The following IL1RAPL1 variants were observed in gnomAD, a reference collection of about 807,000 sequenced individuals.
IL1RAPL1 encodes the protein interleukin-1 receptor accessory protein-like 1.
IL1RAPL1 carries 3 observed loss-of-function variants against 48.4 expected under a neutral mutation model. The ratio of observed to expected loss-of-function variants is 0.06; its 90% confidence interval spans 0.03 to 0.16. The LOEUF (loss-of-function observed/expected upper bound fraction) is 0.16. IL1RAPL1 is among the 10% of genes least tolerant of loss of function. The probability of loss-of-function intolerance (pLI) is 1.00; values close to 1 mark genes in which losing one functional copy is unlikely to be tolerated. For synonymous variants in IL1RAPL1, 185 were observed against 187.7 expected, an observed-to-expected ratio of 0.99 and a Z score of 0.12; for missense variants, 349 against 530.6, an observed-to-expected ratio of 0.66 and a Z score of 3.36.
intron 5 of IL1RAPL1, among the ~76,000 whole-genome samples, chrX:29,588,849 G>C (rs768381364): frequency 2.2e-4 from 25 of 111,813 alleles, no homozygotes; most frequent in Non-Finnish European, 3.2e-4. Flanking sequence ...TAATTCAATA[G>C]AACACTTCTA....
intron 6 of IL1RAPL1, among the ~76,000 whole-genome samples, chrX:29,746,628 G>A (rs977406199): frequency 3.6e-5 from 4 of 110,017 alleles, no homozygotes; most frequent in African/African-American, 9.9e-5. Flanking sequence ...TTTTCTTCGC[G>A]ACAAATTCTT....
chrX:29,742,581 A>G (rs1330393035), intron 6 of IL1RAPL1, among the ~76,000 whole-genome samples: 1 of 111,358 alleles, frequency 9.0e-6, no homozygotes, highest in East Asian at 2.8e-4. Flanking sequence ...AAACAAATAA[A>G]CAAAAAAACC....
chrX:29,152,566 G>A (rs753542796), intron 2 of IL1RAPL1, among the ~76,000 whole-genome samples: 1 of 111,995 alleles, frequency 8.9e-6, no homozygotes, highest in East Asian at 2.8e-4. Flanking sequence ...CACTAGCACA[G>A]TGTTCTAAAT....
intron 3 of IL1RAPL1, among the ~76,000 whole-genome samples, chrX:29,367,011 G>A (rs1933471122): frequency 9.0e-6 from 1 of 110,776 alleles, no homozygotes; most frequent in Admixed American, 9.6e-5. Context: ...TTTTTTAGGG[G>A]GAAAAGAGCT....
intron 5 of IL1RAPL1, among the ~76,000 whole-genome samples, chrX:29,510,601 TC>T (rs1935383602): frequency 8.9e-6 from 1 of 111,935 alleles, no homozygotes; most frequent in Non-Finnish European, 1.9e-5. Context: ...GACAATATCC[TC>T]CCTTGAAAAT....
intron 5 of IL1RAPL1, among the ~76,000 whole-genome samples, chrX:29,567,219 A>C (rs749904068): frequency 5.0e-4 from 53 of 105,257 alleles, no homozygotes; most frequent in African/African-American, 1.8e-3. Flanking sequence ...ACTACCTACA[A>C]AAAAAAAAAG....
intron 5 of IL1RAPL1, among the ~76,000 whole-genome samples, chrX:29,618,605 A>C (rs1924365221): frequency 8.9e-6 from 1 of 111,817 alleles, no homozygotes; most frequent in Non-Finnish European, 1.9e-5. Context: ...AGTCGTCCCA[A>C]TGACTTTTGT....
intron 5 of IL1RAPL1, among the ~76,000 whole-genome samples, chrX:29,472,855 A>G (rs193103982): frequency 2.7e-5 from 3 of 111,979 alleles, no homozygotes. Flanking sequence ...AATGTTCACC[A>G]TTTTCCCTCT....
chrX:29,208,827 G>A (rs910458034), intron 2 of IL1RAPL1, among the ~76,000 whole-genome samples: 2 of 110,256 alleles, frequency 1.8e-5, no homozygotes, highest in East Asian at 5.6e-4. Context: ...CCAAGCAAGG[G>A]GTGGGAGGTC....
At chrX:28,933,249 G>A (rs1312610675) in intron 2 of IL1RAPL1, among the ~76,000 whole-genome samples, 1 of 110,965 alleles carries the variant, frequency 9.0e-6, no homozygotes, top group East Asian at 2.8e-4. Context: ...CCCTCAATCC[G>A]TGGGTAGACC....
At chrX:29,830,705 G>A (rs1004369005) in intron 6 of IL1RAPL1, among the ~76,000 whole-genome samples, 5 of 110,572 alleles carry the variant, frequency 4.5e-5, no homozygotes, top group Admixed American at 3.9e-4. Flanking sequence ...CACCCATCTC[G>A]GCCTCCCAAA....
At chrX:29,028,520 T>G (rs1926543393) in intron 2 of IL1RAPL1, among the ~76,000 whole-genome samples, 1 of 110,280 alleles carries the variant, frequency 9.1e-6, no homozygotes, top group Admixed American at 9.7e-5. Context: ...TCTCTTGACC[T>G]CGTGATCCAC....
intron 1 of IL1RAPL1, among the ~76,000 whole-genome samples, chrX:28,628,795 C>T (rs1343353128): frequency 2.7e-5 from 3 of 112,154 alleles, no homozygotes; most frequent in Admixed American, 1.9e-4. Context: ...ATACACACAT[C>T]GTTTCTCTGA....
chrX:29,865,797 T>A (rs1931681880), intron 6 of IL1RAPL1, among the ~76,000 whole-genome samples: 1 of 100,021 alleles, frequency 1.0e-5, no homozygotes, highest in African/African-American at 3.9e-5. Context: ...CCACCACGCC[T>A]GGCTAATTTT....
At chrX:29,521,849 T>C (rs1935506604) in intron 5 of IL1RAPL1, among the ~76,000 whole-genome samples, 1 of 111,872 alleles carries the variant, frequency 8.9e-6, no homozygotes, top group South Asian at 3.7e-4. Flanking sequence ...GAGGGGGAAA[T>C]AGGCTTTTTT....
intron 1 of IL1RAPL1, among the ~76,000 whole-genome samples, chrX:28,665,552 G>A (rs1414153345): frequency 1.8e-5 from 2 of 110,467 alleles, no homozygotes; most frequent in South Asian, 7.8e-4. Context: ...GTGCAGTGGT[G>A]TGATCTTGGC....
intron 2 of IL1RAPL1, among the ~76,000 whole-genome samples, chrX:28,794,377 G>A (rs1936587096): frequency 9.0e-6 from 1 of 111,595 alleles, no homozygotes; most frequent in East Asian, 2.8e-4. Context: ...GAATTTAATG[G>A]TATTGTTCCA....
At chrX:29,389,492 ACTT>A (rs1213755871) in intron 3 of IL1RAPL1, among the ~76,000 whole-genome samples, 3 of 110,807 alleles carry the variant, frequency 2.7e-5, no homozygotes, top group Non-Finnish European at 5.7e-5. Context: ...CATGGTTTTT[ACTT>A]CTTCTCCCTC....
chrX:28,682,999 G>A (rs1049538164), intron 1 of IL1RAPL1, among the ~76,000 whole-genome samples: 1 of 112,028 alleles, frequency 8.9e-6, no homozygotes, highest in Non-Finnish European at 1.9e-5. Flanking sequence ...GTTTACAATT[G>A]GGGATGACAA....
Sources: gnomAD v4.1 joint callset for allele counts (sites outside exome capture counted in the v4.1 genomes callset) on GRCh38, gnomAD v4.1.1 for gene constraint, MANE v1.5 for transcripts, NCBI Gene and HGNC (gene_info 2026-07-23, HGNC 2026-07-21) for gene names.